FBXO11: variants seen among roughly 807,000 people sequenced by gnomAD.
The protein encoded by FBXO11 is F-box only protein 11.
Under a neutral mutation model 117.0 loss-of-function variants are expected in FBXO11, and 13 were observed. The observed-to-expected ratio is 0.11, with a 90% CI of 0.07 to 0.18. The LOEUF is 0.18. Ranked by LOEUF, FBXO11 falls within the 10% of genes least tolerant of loss-of-function variation. FBXO11 has a pLI of 1.00. For missense variants in FBXO11, 767 were observed against 1,164.4 expected (o/e 0.66, Z 4.97); for synonymous variants, 490 against 380.5 (o/e 1.29, Z -3.35).
chr2:47,890,385 A>G (rs1005231405), intron 1 of FBXO11, among the ~76,000 whole-genome samples: 8 of 152,216 alleles, frequency 5.3e-5, no homozygotes, highest in Admixed American at 2.0e-4. Flanking sequence ...ATAAATTAAT[A>G]AGCACTTAAA....
chr2:47,884,203 A>G (rs1676646589), intron 1 of FBXO11, among the ~76,000 whole-genome samples: 2 of 152,234 alleles, frequency 1.3e-5, no homozygotes, highest in African/African-American at 4.8e-5. Flanking sequence ...TGGGTGACAG[A>G]GCAAGACTCC....
chr2:47,860,609 G>T (rs936098251), intron 1 of FBXO11, among the ~76,000 whole-genome samples: 3 of 151,372 alleles, frequency 2.0e-5, no homozygotes, highest in Non-Finnish European at 4.4e-5. Flanking sequence ...GTTTCACTGT[G>T]TTGCCCAGGC....
chr2:47,846,333 G>T (rs971498817), intron 1 of FBXO11, among the ~76,000 whole-genome samples: 1 of 152,182 alleles, frequency 6.6e-6, no homozygotes, highest in Non-Finnish European at 1.5e-5. Context: ...CAGGTTTGGT[G>T]GCGCATGCCT....
chr2:47,837,912 A>G (rs1188937976), intron 4 of FBXO11, among the ~76,000 whole-genome samples: 1 of 151,832 alleles, frequency 6.6e-6, no homozygotes, highest in Non-Finnish European at 1.5e-5. Context: ...CACTTTTTAT[A>G]ACAGCATTTT....
intron 1 of FBXO11, 141 bp downstream of exon 1, chr2:47,905,348 G>A (rs989906392): frequency 1.1e-5 from 10 of 903,146 alleles, no homozygotes; most frequent in African/African-American, 7.0e-5. Context: ...TGCGGCACCG[G>A]GGGACCCGCC....
intron 1 of FBXO11, among the ~76,000 whole-genome samples, chr2:47,893,474 A>C (rs888588479): frequency 4.6e-5 from 7 of 152,282 alleles, no homozygotes; most frequent in Admixed American, 4.6e-4. Context: ...TCAGGAGATA[A>C]ATTATTAATC....
At position 47,839,504 on chromosome 2, in the gene FBXO11, CA is replaced by C; in HGVS notation, c.361-5del. On this transcript the variant is annotated splice_region_variant and splice_polypyrimidine_tract_variant and intron_variant, in intron 2 of 22. Transcript: ENST00000403359. The stretch of plus-strand genomic sequence containing the variant: ...CTGTAGTTGAAGTTGAGGCGCCCTT[CA>C]AAAACAAAACAGAAACTAGTAAAGC... 3.1e-6 allele frequency: 5 copies of C among 1,613,096 alleles called. No homozygotes were observed. The highest frequency in any genetic ancestry group is 4.2e-6 in the Non-Finnish European group (5 of 1,179,738).
intron 20 of FBXO11, 52 bp from the exon 21 acceptor site, chr2:47,809,318 A>C: frequency 8.5e-7 from 1 of 1,181,708 alleles, no homozygotes; most frequent in Non-Finnish European, 1.2e-6. Context: ...TAATATTTTA[A>C]AAACCAAAGA....
At position 47,840,102 on chromosome 2, in the gene FBXO11, C is replaced by G. The variant is rs533923267; in HGVS notation, c.233-333G>C. 5.1e-4 allele frequency among the ~76,000 whole-genome samples: 78 copies of G among 152,140 alleles called. 2 individuals are homozygous for G. The East Asian group carries it at 9.5e-3, about 19-fold the overall frequency. On this transcript the variant is annotated intron_variant, in intron 1 of 22. Coordinates refer to ENST00000403359, the MANE Select transcript of FBXO11 (RefSeq NM_001190274.2). Reference sequence around the variant, plus strand: ...GGGACTACAGGCGCCCGCCACCACGCCCAGCTAATTTTTTGTATTTTTAGT... The same window carrying G: ...GGGACTACAGGCGCCCGCCACCACGGCCAGCTAATTTTTTGTATTTTTAGT...
At chr2:47,839,095 T>G in intron 3 of FBXO11, 92 bp from the exon 4 acceptor site, 1 of 1,154,714 alleles carries the variant, frequency 8.7e-7, no homozygotes, top group Non-Finnish European at 1.2e-6. Context: ...ATGAATAGCT[T>G]TTTTTTTTTG....
intron 1 of FBXO11, among the ~76,000 whole-genome samples, chr2:47,874,192 C>A (rs971284931): frequency 6.6e-6 from 1 of 151,846 alleles, no homozygotes; most frequent in South Asian, 2.1e-4. Flanking sequence ...CCAGTCCGGA[C>A]GATAGTGCGA....
At chr2:47,879,348 C>T (rs918157025) in intron 1 of FBXO11, among the ~76,000 whole-genome samples, 1 of 152,186 alleles carries the variant, frequency 6.6e-6, no homozygotes, top group African/African-American at 2.4e-5. Context: ...AATTGCCTTC[C>T]ACAGGGATTA....
chr2:47,871,642 C>G (rs1021993955), intron 1 of FBXO11, among the ~76,000 whole-genome samples: 1 of 152,094 alleles, frequency 6.6e-6, no homozygotes, highest in African/African-American at 2.4e-5. Flanking sequence ...CTATTTAGAA[C>G]CTTTGTGTAT....
intron 14 of FBXO11, 49 bp downstream of exon 14, chr2:47,820,313 C>T: frequency 6.9e-7 from 1 of 1,447,442 alleles, no homozygotes; most frequent in Non-Finnish European, 9.6e-7. Context: ...CCCTTTATCC[C>T]CCTGGTTTTG....
chr2:47,813,502 G>T, intron 17 of FBXO11, 125 bp from the exon 18 acceptor site: 4 of 660,234 alleles, frequency 6.1e-6, no homozygotes, highest in Middle Eastern at 4.5e-4. Flanking sequence ...CGCGATCTTG[G>T]CTCACTGCAA....
intron 1 of FBXO11, among the ~76,000 whole-genome samples, chr2:47,852,137 C>G (rs1004599941): frequency 6.6e-6 from 1 of 151,974 alleles, no homozygotes; most frequent in African/African-American, 2.4e-5. Flanking sequence ...TTACAGGCAC[C>G]TGCCACCACA....
intron 1 of FBXO11, among the ~76,000 whole-genome samples, chr2:47,895,883 G>C (rs145988807): frequency 6.6e-6 from 1 of 152,062 alleles, no homozygotes; most frequent in African/African-American, 2.4e-5. Flanking sequence ...TTTTAGTAGA[G>C]ACAGGGTTTC....
At chr2:47,825,293 A>G (rs1271395212) in intron 11 of FBXO11, among the ~76,000 whole-genome samples, 1 of 152,134 alleles carries the variant, frequency 6.6e-6, no homozygotes, top group African/African-American at 2.4e-5. Context: ...TTTTAAAACA[A>G]ATCAGGAGCT....
intron 1 of FBXO11, among the ~76,000 whole-genome samples, chr2:47,900,619 CACACGTATACACACACGT>C (rs1678067866): frequency 2.5e-5 from 1 of 39,374 alleles, no homozygotes; most frequent in Non-Finnish European, 5.5e-5. Flanking sequence ...CACGTATATA[CACACGTATACACACACGT>C]ACGTATATAC....
Sources: gnomAD v4.1 joint callset for allele counts (sites outside exome capture counted in the v4.1 genomes callset) on GRCh38, gnomAD v4.1.1 for gene constraint, MANE v1.5 for transcripts, NCBI Gene and HGNC (gene_info 2026-07-23, HGNC 2026-07-21) for gene names.